Variants in SNAI3 observed in about 807,000 individuals in gnomAD.
SNAI3 encodes the protein snail family transcriptional repressor 3.
Under a neutral mutation model 16.4 loss-of-function variants are expected in SNAI3, and 21 were observed. The ratio of observed to expected loss-of-function variants is 1.28; its 90% CI spans 0.91 to 1.85. SNAI3 has a LOEUF of 1.85. Among genes scored for constraint, SNAI3 ranks in the 40% most tolerant of loss-of-function variants. The pLI is 0.00. For synonymous variants in SNAI3, 202 were observed against 166.6 expected, an observed-to-expected ratio of 1.21 and a Z score of -1.64; for missense variants, 457 against 372.8, an observed-to-expected ratio of 1.23 and a Z score of -1.86.
rs1031033125 is a variant in SNAI3, at chr16:88,678,313, G to A, written c.*135C>T. 4.7e-5 allele frequency: 28 copies of A among 592,990 alleles called. No individual in the cohort carries two copies. Among genetic ancestry groups the A allele is most frequent in the African/African-American group, 4.1e-4 (22 of 53,534 alleles). 36.7% of individuals were successfully genotyped at this position (592,990 alleles called of 1,614,324 possible). On this transcript the variant is annotated 3_prime_UTR_variant, in exon 3 of 3. Coordinates refer to ENST00000332281, the MANE Select transcript of SNAI3 (RefSeq NM_178310.4). ...CGCTGGACTTCTTTGGTTCTGATTG[G>A]ACGCAGATGTGGAGGACGCACCAAG...
In SNAI3 at chr16:88,686,347, C is replaced by A. The variant is rs1909360505; in HGVS notation, c.60G>T (p.Arg20=). The change falls in exon 1 of 3, where the codon CGG becomes CGT. Residue 20 remains arginine, a synonymous_variant. Transcript: ENST00000332281. ...HSSHRVPNYR[R]LETQREINGA... ...AGTCAGTACCTCTCTGCGTCTCCAG[C>A]CGCCGGTAGTTGGGGACCCTGTGGC... The A allele has an allele frequency of 6.2e-7, 1 of 1,612,064 alleles. No individual in the cohort carries two copies. The highest frequency in any genetic ancestry group is 1.3e-5 in the African/African-American group (1 of 75,042).
At chr16:88,679,131 TAGAGTCCTG>T in intron 2 of SNAI3, 1 of 982,248 alleles carries the variant, frequency 1.0e-6, no homozygotes, top group Non-Finnish European at 1.2e-6. Context: ...TGTAGCCCCA[TAGAGTCCTG>T]AGAGACCTCA....
chr16:88,684,420 G>A (rs1467027527), intron 1 of SNAI3, among the ~76,000 whole-genome samples: 1 of 152,228 alleles, frequency 6.6e-6, no homozygotes, highest in Non-Finnish European at 1.5e-5. Context: ...GATTTTAAAT[G>A]CTTTCCCCAT....
At chr16:88,679,180 C>CAGCAGGAA in intron 2 of SNAI3, 2 of 827,224 alleles carry the variant, frequency 2.4e-6, no homozygotes, top group Non-Finnish European at 2.9e-6. Context: ...CCCAGAGCAC[C>CAGCAGGAA]TGCATTCCTG....
intron 2 of SNAI3, among the ~76,000 whole-genome samples, chr16:88,679,775 A>AAAAGAAAAAG (rs1555545690): frequency 3.8e-5 from 4 of 106,570 alleles, no homozygotes; most frequent in East Asian, 5.4e-4. Flanking sequence ...AAAAAAAAAA[A>AAAAGAAAAAG]AAAAAAAGAA....
At chr16:88,679,060 G>C in intron 2 of SNAI3, 3 of 985,460 alleles carry the variant, frequency 3.0e-6, no homozygotes, top group Non-Finnish European at 3.6e-6. Flanking sequence ...ACAAAGTCCT[G>C]CTGGGACCTT....
At position 88,682,762 on chromosome 16, in the gene SNAI3, A is replaced by ATTTTTTTTTTTTTTTTTT. The variant is rs71158747; in HGVS notation, c.77-1066_77-1049dup. 2.5e-4 allele frequency among the ~76,000 whole-genome samples: 15 copies of ATTTTTTTTTTTTTTTTTT among 60,698 alleles called. 5 individuals are homozygous for ATTTTTTTTTTTTTTTTTT. Among genetic ancestry groups the ATTTTTTTTTTTTTTTTTT allele is most frequent in the Admixed American group, 8.0e-4 (3 of 3,744 alleles). The allele number at this position is 60,698 out of a possible 152,430, so 39.8% of individuals were successfully genotyped here. On this transcript the variant is annotated intron_variant, in intron 1 of 2. Coordinates refer to ENST00000332281, the MANE Select transcript of SNAI3 (RefSeq NM_178310.4). ...AATACAATTTTAATATGGGCAAGGG[A>ATTTTTTTTTTTTTTTTTT]TTTTTTTTTTTTTTTTTTTTTTTTT...
intron 1 of SNAI3, 69 bp downstream of exon 1, chr16:88,686,262 G>A (rs1419064530): frequency 1.3e-6 from 2 of 1,535,200 alleles, no homozygotes; most frequent in African/African-American, 2.8e-5. Context: ...CGCTCCCAGG[G>A]GCCTCTCTCT....
At chr16:88,683,084 C>CT (rs35518035) in intron 1 of SNAI3, among the ~76,000 whole-genome samples, 25,098 of 98,704 alleles carry the variant, frequency 0.25, 5,383 homozygotes, top group East Asian at 0.57. Context: ...GCCCCCCACC[C>CT]TTTTTTTTTT....
At chr16:88,685,195 C>T (rs1026611492) in intron 1 of SNAI3, 1 of 152,274 alleles carries the variant, frequency 6.6e-6, no homozygotes, top group African/African-American at 2.4e-5. Flanking sequence ...GTGTCCTTCA[C>T]CATGAGCCAG....
chr16:88,681,236 G>T lies in SNAI3; in HGVS notation c.555C>A (p.Cys185Ter). Residue 185 changes from cysteine (C) to a stop codon, truncating the protein, a stop_gained, in exon 2 of 3, where the codon TGC (cysteine) becomes TGA (stop). Transcript: ENST00000332281. LOFTEE classifies it high-confidence loss of function. The surrounding 1 kb of genome is among the most constrained non-coding windows in gnomAD (Gnocchi z 5.4). ...TGGTGTACTCCTTGTCGCAGTACTT[G>T]CAGGTGAAGACACGCCCCACCTGCA... is the stretch of plus-strand genomic sequence containing the variant. Reference protein sequence around the residue: ...CHLQVGRVFTCKYCDKEYTSL... With the variant: ...CHLQVGRVFT The T allele has an allele frequency of 6.2e-7, 1 of 1,613,734 alleles. No individual in the cohort carries two copies.
intron 1 of SNAI3, among the ~76,000 whole-genome samples, chr16:88,683,931 A>G (rs776393803): frequency 2.0e-5 from 3 of 152,224 alleles, no homozygotes; most frequent in African/African-American, 4.8e-5. Flanking sequence ...AAGATGCTCA[A>G]TGCCATCAGG....
Position 88,681,019 on chromosome 16 carries a change from C to T in SNAI3, c.697+75G>A. ...GCTATTGTTTATAAAATCACCCCTC[C>T]TCCTTTTCTAACTCCCGCAGCCCAC... is the stretch of plus-strand genomic sequence containing the variant. On this transcript the variant is annotated intron_variant, in intron 2 of 2. Transcript: ENST00000332281. The surrounding 1 kb of genome is among the most constrained non-coding windows in gnomAD (Gnocchi z 5.4). 1 of 1,543,282 alleles carries T rather than the reference C, an allele frequency of 6.5e-7. No individual in the cohort carries two copies. Among genetic ancestry groups the T allele is most frequent in the African/African-American group, 1.4e-5 (1 of 73,280 alleles).
intron 1 of SNAI3, among the ~76,000 whole-genome samples, chr16:88,684,821 C>A (rs1320106421): frequency 6.6e-6 from 1 of 152,218 alleles, no homozygotes; most frequent in Non-Finnish European, 1.5e-5. Flanking sequence ...TTGCTGGCTT[C>A]AGGGGTTCCC....
Position 88,681,164 on chromosome 16 carries a change from G to T in SNAI3, c.627C>A (p.Cys209Ter). The T allele has an allele frequency of 6.2e-7, 1 of 1,613,872 alleles. No individual in the cohort carries two copies. Among genetic ancestry groups the T allele is most frequent in the African/African-American group, 1.3e-5 (1 of 75,060 alleles). ...KMHIRTHTLP[C>*]TCKICGKAFS... ...AGGCCTTGCCACAGATCTTGCAGGT[G>T]CAGGGCAGCGTGTGAGTGCGGATGT... Residue 209 changes from cysteine (C) to a stop codon, truncating the protein, a stop_gained, in exon 2 of 3, where the codon TGC becomes TGA. Transcript: ENST00000332281. LOFTEE classifies it high-confidence loss of function. The surrounding 1 kb of genome is among the most constrained non-coding windows in gnomAD (Gnocchi z 5.4).
chr16:88,682,636 A>T (rs1909213448), intron 1 of SNAI3, among the ~76,000 whole-genome samples: 1 of 152,174 alleles, frequency 6.6e-6, no homozygotes, highest in African/African-American at 2.4e-5. Flanking sequence ...AACCCATAGA[A>T]TAGGAGAAAA....
rs542021961 is a variant in SNAI3 at position 88,681,939 on chromosome 16, G to A, written c.77-225C>T. ...GAGTCATCTAGAACAAGAAGGCCCC[G>A]CGGTCTAGAGAGCGAATCTCACTTC... On this transcript the variant is annotated intron_variant, in intron 1 of 2. Coordinates refer to ENST00000332281, the MANE Select transcript of SNAI3 (RefSeq NM_178310.4). The surrounding 1 kb of genome is among the most constrained non-coding windows in gnomAD (Gnocchi z 5.4). Among the ~76,000 whole-genome samples the A allele has an allele frequency of 3.9e-5, 6 of 152,262 alleles. No individual in the cohort carries two copies. Among genetic ancestry groups the A allele is most frequent in the South Asian group, 4.2e-4 (2 of 4,818 alleles).
Position 88,681,538 on chromosome 16 carries a change from G to A in SNAI3, c.253C>T (p.Leu85=). ...ACCTCGCTGACTTCCAAGGCGTCCA[G>A]CCCAGAGGCCCCCAGAGCTTCCTCG... ...RIEEALGASG[L]DALEVSEVDP... is the part of the protein sequence containing the mutation. The change falls in exon 2 of 3, where the codon CTG becomes TTG. Residue 85 remains leucine, a synonymous_variant. Transcript: ENST00000332281. This position sits in a 1 kb window ranked among gnomAD's most constrained non-coding sequence, Gnocchi z 5.4. 6.6e-7 allele frequency: 1 copy of A among 1,519,074 alleles called. No individual in the cohort carries two copies. 94.1% of individuals were successfully genotyped at this position (1,519,074 alleles called of 1,614,324 possible).
chr16:88,678,835 TCTCCTAGTGTTGCTGCAGTAGCC>T, intron 2 of SNAI3: 6 of 985,374 alleles, frequency 6.1e-6, no homozygotes, highest in Non-Finnish European at 7.2e-6. Flanking sequence ...AGGTGCTAGA[TCTCCTAGTGTTGCTGCAGTAGCC>T]CTCCCGGGGC....
Sources: allele counts gnomAD v4.1 joint callset (sites outside exome capture counted in the v4.1 genomes callset), GRCh38; gene constraint gnomAD v4.1.1; non-coding constraint Gnocchi (gnomAD v3.1); transcripts MANE v1.5; gene names NCBI Gene and HGNC (gene_info 2026-07-23, HGNC 2026-07-21).